OPCML: variants seen among roughly 807,000 people sequenced by gnomAD.
The protein encoded by OPCML is opioid-binding protein/cell adhesion molecule.
Under a neutral mutation model 37.8 loss-of-function variants are expected in OPCML, and 13 were observed. The observed-to-expected ratio is 0.34, with a 90% CI of 0.22 to 0.55. The LOEUF (loss-of-function observed/expected upper bound fraction) is 0.55, where lower values mean the gene tolerates loss of function less well. Ranked by LOEUF, OPCML falls within the 20% of genes least tolerant of loss-of-function variation. The probability of loss-of-function intolerance (pLI) is 0.91; values close to 1 mark genes in which losing one functional copy is unlikely to be tolerated. For missense variants in OPCML, 341 were observed against 435.6 expected, an observed-to-expected ratio of 0.78 and a Z score of 1.93; for synonymous variants, 176 against 168.8, an observed-to-expected ratio of 1.04 and a Z score of -0.33.
chr11:133,109,575 A>G (rs1452637248), intron 1 of OPCML, among the ~76,000 whole-genome samples: 1 of 151,968 alleles, frequency 6.6e-6, no homozygotes, highest in Non-Finnish European at 1.5e-5. Flanking sequence ...ATTTTTATAG[A>G]TCACTGATAG....
intron 1 of OPCML, chr11:133,439,444 T>C: frequency 1.0e-6 from 1 of 985,096 alleles, no homozygotes; most frequent in Non-Finnish European, 1.2e-6. Flanking sequence ...TAACTCTTTT[T>C]TGTTTTTTTG....
intron 4 of OPCML, among the ~76,000 whole-genome samples, chr11:132,458,419 G>A (rs773692554): frequency 1.5e-4 from 23 of 152,250 alleles, no homozygotes; most frequent in Non-Finnish European, 2.4e-4. Flanking sequence ...GATAAAGACC[G>A]GTGATTCCTT....
Position 133,068,701 on chromosome 11 carries a change from T to G in OPCML, c.62-125691A>C, listed in dbSNP as rs370509753. Reference sequence around the variant, plus strand: ...TGACACATAAATGCTGGAGATATTTTTCAGCAGACGGATATTTTGGCATTC... The same window carrying G: ...TGACACATAAATGCTGGAGATATTTGTCAGCAGACGGATATTTTGGCATTC... On this transcript the variant is annotated intron_variant, in intron 1 of 7. Transcript: ENST00000524381. Among the ~76,000 whole-genome samples, 93 of 152,348 alleles carry G rather than the reference T, an allele frequency of 6.1e-4. 4 individuals are homozygous for G. In the South Asian group the frequency reaches 0.019, roughly 31 times the overall value.
intron 1 of OPCML, among the ~76,000 whole-genome samples, chr11:133,072,439 A>G (rs1242773132): frequency 6.6e-6 from 1 of 152,228 alleles, no homozygotes; most frequent in African/African-American, 2.4e-5. Flanking sequence ...GCAGTTAGAA[A>G]GAGAAAATAG....
intron 1 of OPCML, among the ~76,000 whole-genome samples, chr11:132,959,383 A>T (rs1946039622): frequency 6.6e-6 from 1 of 152,242 alleles, no homozygotes; most frequent in Non-Finnish European, 1.5e-5. Flanking sequence ...TGCTGTGAAC[A>T]TTGTTGAAAT....
chr11:132,577,717 A>C (rs2137608079), intron 3 of OPCML, among the ~76,000 whole-genome samples: 1 of 152,290 alleles, frequency 6.6e-6, no homozygotes, highest in South Asian at 2.1e-4. Flanking sequence ...CTTAGTAAAC[A>C]CCACCTCTGC....
intron 1 of OPCML, among the ~76,000 whole-genome samples, chr11:133,055,005 T>A (rs1474822314): frequency 6.7e-6 from 1 of 148,742 alleles, no homozygotes; most frequent in African/African-American, 2.5e-5. Flanking sequence ...TCCATGATAC[T>A]TCCAAGTAGT....
At position 132,453,366 on chromosome 11, in the gene OPCML, C is replaced by G. The variant is rs7929352; in HGVS notation, c.506-16007G>C. On this transcript the variant is annotated intron_variant, in intron 4 of 7. Transcript: ENST00000524381. ...AGAAACCTGCACCAAAATGTAAATG[C>G]GTATTGAATCGCTGACATCTCCCAC... Among the ~76,000 whole-genome samples, 664 of 152,234 alleles carry G rather than the reference C, an allele frequency of 4.4e-3. 3 individuals carry two copies. Among genetic ancestry groups the G allele is most frequent in the African/African-American group, 0.015 (622 of 41,530 alleles).
intron 1 of OPCML, among the ~76,000 whole-genome samples, chr11:133,170,251 C>T (rs1030920559): frequency 6.6e-6 from 1 of 152,158 alleles, no homozygotes; most frequent in Non-Finnish European, 1.5e-5. Flanking sequence ...CCGAGGCGGG[C>T]AGATCACGAG....
intron 1 of OPCML, among the ~76,000 whole-genome samples, chr11:133,294,002 TTAG>T (rs886604978): frequency 3.3e-5 from 5 of 151,654 alleles, no homozygotes; most frequent in Admixed American, 1.3e-4. Flanking sequence ...CAAACTTCTC[TTAG>T]TAGCACAGCT....
At chr11:132,851,867 C>T (rs896184827) in intron 2 of OPCML, among the ~76,000 whole-genome samples, 1 of 151,990 alleles carries the variant, frequency 6.6e-6, no homozygotes, top group African/African-American at 2.4e-5. Flanking sequence ...TGAAAGAACG[C>T]GATGTGAGGG....
At chr11:133,483,603 AAG>A (rs1310772309) in intron 1 of OPCML, among the ~76,000 whole-genome samples, 1 of 151,750 alleles carries the variant, frequency 6.6e-6, no homozygotes, top group Non-Finnish European at 1.5e-5. Flanking sequence ...CATAGATAGA[AAG>A]AGATTTATAG....
chr11:133,333,416 G>A (rs1447703573), intron 1 of OPCML, among the ~76,000 whole-genome samples: 1 of 152,084 alleles, frequency 6.6e-6, no homozygotes, highest in African/African-American at 2.4e-5. Context: ...TTCAGTAAAT[G>A]GTGCTAAGAT....
intron 1 of OPCML, among the ~76,000 whole-genome samples, chr11:133,381,975 C>G (rs929430839): frequency 6.6e-6 from 1 of 152,216 alleles, no homozygotes; most frequent in East Asian, 1.9e-4. Flanking sequence ...GTTGCAGCTC[C>G]TCCTGGGAGG....
chr11:132,958,512 G>A, intron 1 of OPCML, among the ~76,000 whole-genome samples: 1 of 152,228 alleles, frequency 6.6e-6, no homozygotes, highest in East Asian at 1.9e-4. Context: ...TGTAGCTGAA[G>A]CAACCCTGTG....
At chr11:133,239,481 G>A (rs1161350031) in intron 1 of OPCML, among the ~76,000 whole-genome samples, 2 of 152,204 alleles carry the variant, frequency 1.3e-5, no homozygotes, top group Non-Finnish European at 2.9e-5. Context: ...AAGGGGCCTT[G>A]GGGGAGCTGT....
At chr11:133,423,127 T>A in intron 1 of OPCML, 1 of 985,470 alleles carries the variant, frequency 1.0e-6, no homozygotes, top group Non-Finnish European at 1.2e-6. Flanking sequence ...CCTTTCAGGA[T>A]CTTATAACCA....
At chr11:133,074,959 G>A (rs75071403) in intron 1 of OPCML, among the ~76,000 whole-genome samples, 1,973 of 152,174 alleles carry the variant, frequency 0.013, 40 homozygotes, top group African/African-American at 0.043. Flanking sequence ...ATACTTTCTC[G>A]CAGGCATCCT....
At chr11:133,498,528 G>A (rs1214553420) in intron 1 of OPCML, among the ~76,000 whole-genome samples, 6 of 152,106 alleles carry the variant, frequency 3.9e-5, no homozygotes, top group African/African-American at 1.4e-4. Context: ...GCACCATCTG[G>A]GCCTCCCAGG....
Sources: allele counts gnomAD v4.1 joint callset (sites outside exome capture counted in the v4.1 genomes callset), GRCh38; gene constraint gnomAD v4.1.1; transcripts MANE v1.5; gene names NCBI Gene and HGNC (gene_info 2026-07-23, HGNC 2026-07-21).